The following TRAPPC10 variants were observed in gnomAD, a reference collection of about 807,000 sequenced individuals.
TRAPPC10 encodes TRAPP 130 kDa subunit.
In TRAPPC10, 23 loss-of-function variants were observed where a neutral mutation model predicts 125.5. The ratio of observed to expected loss-of-function variants is 0.18; its 90% CI spans 0.13 to 0.26. The LOEUF is 0.26. Among genes scored for constraint, TRAPPC10 ranks in the 10% least tolerant of loss-of-function variants. TRAPPC10 has a pLI of 1.00. For missense variants in TRAPPC10, 1,123 were observed against 1,308.4 expected (o/e 0.86, Z 2.19); for synonymous variants, 509 against 518.0 (o/e 0.98, Z 0.24).
chr21:44,061,492 C>T (rs1370671009), intron 6 of TRAPPC10, among the ~76,000 whole-genome samples: 1 of 151,434 alleles, frequency 6.6e-6, no homozygotes, highest in Non-Finnish European at 1.5e-5. Context: ...TGGTCTCGAT[C>T]TCTTAACCTC....
intron 3 of TRAPPC10, among the ~76,000 whole-genome samples, chr21:44,045,976 G>C (rs1293291297): frequency 6.6e-6 from 1 of 151,184 alleles, no homozygotes; most frequent in Admixed American, 6.6e-5. Flanking sequence ...TTTTTGTGGG[G>C]GTGGATATGA....
At position 44,087,023 on chromosome 21, in the gene TRAPPC10, G is replaced by A. The variant is rs1253192470; in HGVS notation, c.2539+63G>A. ...ACCTTGCCCTGCACTGTGTGGGTGT[G>A]AGGGTGAGCCTGGCCTTGCTGCCAT... is the stretch of plus-strand genomic sequence containing the variant. On this transcript the variant is annotated intron_variant, in intron 16 of 22. Coordinates refer to ENST00000291574, the MANE Select transcript of TRAPPC10 (RefSeq NM_003274.5). The surrounding 1 kb of genome is among the most constrained non-coding windows in gnomAD (Gnocchi z 4.6). 20 of 1,575,532 alleles carry A rather than the reference G, an allele frequency of 1.3e-5. No individual in the cohort carries two copies. Among genetic ancestry groups the A allele is most frequent in the Admixed American group, 1.0e-4 (6 of 57,944 alleles).
chr21:44,059,267 A>G lies in TRAPPC10; in HGVS notation c.790+53A>G. The G allele has an allele frequency of 7.4e-7, 1 of 1,354,372 alleles. No homozygotes were observed. Among genetic ancestry groups the G allele is most frequent in the Admixed American group, 2.2e-5 (1 of 46,186 alleles). The allele number at this position is 1,354,372 out of a possible 1,614,324, so 83.9% of individuals were successfully genotyped here. A position where few individuals can be genotyped will look rare whatever the true frequency, so the allele number is the denominator to read the frequency against. On this transcript the variant is annotated intron_variant, in intron 6 of 22. Transcript: ENST00000291574. This position sits in a 1 kb window ranked among gnomAD's most constrained non-coding sequence, Gnocchi z 4.4. ...GCTTTTCTTAGTGTGGCTTTCTCCA[A>G]CTTCAGATAGGCTTGAAGCAGCCAT...
At chr21:44,030,169 C>T (rs1201597169) in intron 1 of TRAPPC10, among the ~76,000 whole-genome samples, 3 of 152,154 alleles carry the variant, frequency 2.0e-5, no homozygotes, top group African/African-American at 4.8e-5. Context: ...TCCACTTTTA[C>T]TCTGTACGGA....
chr21:44,086,936 G>A lies in TRAPPC10; in HGVS notation c.2515G>A (p.Ala839Thr). ...MLILCQAESR[A>T]VVYSNTREQS... ...CATCCTGTGCCAGGCGGAGAGCAGG[G>A]CTGTGGTCTACTCCAACACGAGAGG... The change falls in exon 16 of 23, where the codon GCT (alanine) becomes ACT (threonine). Residue 839 changes from alanine to threonine, a missense_variant. By Grantham distance (58) the Ala-to-Thr change is moderately conservative. Coordinates refer to ENST00000291574, the MANE Select transcript of TRAPPC10 (RefSeq NM_003274.5). 6.2e-7 allele frequency: 1 copy of A among 1,614,202 alleles called. No individual in the cohort carries two copies. Among genetic ancestry groups the A allele is most frequent in the Non-Finnish European group, 8.5e-7 (1 of 1,180,036 alleles).
chr21:44,057,345 G>A (rs1262063979), intron 5 of TRAPPC10, among the ~76,000 whole-genome samples: 1 of 151,752 alleles, frequency 6.6e-6, no homozygotes, highest in Non-Finnish European at 1.5e-5. Flanking sequence ...GTCACCAAGG[G>A]CTGGCGTGCA....
chr21:44,077,174 T>G (rs1173936413), intron 10 of TRAPPC10, among the ~76,000 whole-genome samples: 1 of 152,218 alleles, frequency 6.6e-6, no homozygotes, highest in Non-Finnish European at 1.5e-5. Context: ...TGGATGAGTT[T>G]GTGGGTTTCT....
At chr21:44,036,190 A>G (rs1452230881) in intron 2 of TRAPPC10, among the ~76,000 whole-genome samples, 1 of 152,246 alleles carries the variant, frequency 6.6e-6, no homozygotes, top group Non-Finnish European at 1.5e-5. Flanking sequence ...ACAGAAAATC[A>G]TGCCAGGGAA....
At chr21:44,054,730 C>T (rs1439164009) in intron 4 of TRAPPC10, among the ~76,000 whole-genome samples, 4 of 152,318 alleles carry the variant, frequency 2.6e-5, no homozygotes, top group Middle Eastern at 3.4e-3. Flanking sequence ...AAGCCATGTT[C>T]TAAGCCTTTA....
intron 1 of TRAPPC10, among the ~76,000 whole-genome samples, chr21:44,014,644 G>A (rs2031609165): frequency 6.7e-6 from 1 of 149,412 alleles, no homozygotes; most frequent in Non-Finnish European, 1.5e-5. Flanking sequence ...GGTGAGGCTG[G>A]TCTCGAACTC....
intron 7 of TRAPPC10, among the ~76,000 whole-genome samples, chr21:44,071,729 G>T (rs2036884032): frequency 6.6e-6 from 1 of 152,216 alleles, no homozygotes; most frequent in Admixed American, 6.5e-5. Context: ...ATCTGTGATA[G>T]GAAATACAGG....
At chr21:44,079,103 C>T (rs905823871) in intron 11 of TRAPPC10, among the ~76,000 whole-genome samples, 2 of 152,132 alleles carry the variant, frequency 1.3e-5, no homozygotes, top group African/African-American at 2.4e-5. Flanking sequence ...TAGACTGCTT[C>T]TGTGTTTCTG....
intron 3 of TRAPPC10, among the ~76,000 whole-genome samples, chr21:44,043,209 CT>C (rs34708259): frequency 7.6e-4 from 72 of 94,326 alleles, no homozygotes; most frequent in Middle Eastern, 8.8e-3. Context: ...AATTATTACG[CT>C]TTTTTTTTTT....
At chr21:44,077,946 C>T (rs1239881246) in intron 11 of TRAPPC10, among the ~76,000 whole-genome samples, 162 bp downstream of exon 11, 2 of 151,898 alleles carry the variant, frequency 1.3e-5, no homozygotes, top group African/African-American at 4.8e-5. Context: ...CTTCTGAAAA[C>T]CAGATGGAGA....
intron 17 of TRAPPC10, 116 bp downstream of exon 17, chr21:44,088,044 C>A: frequency 1.1e-6 from 1 of 876,492 alleles, no homozygotes; most frequent in Non-Finnish European, 1.8e-6. Flanking sequence ...ATTCCCGATG[C>A]CCTGGGCATG....
intron 1 of TRAPPC10, among the ~76,000 whole-genome samples, chr21:44,027,673 C>G (rs1163860025): frequency 6.6e-6 from 1 of 152,180 alleles, no homozygotes; most frequent in Non-Finnish European, 1.5e-5. Context: ...GGGGGCATAG[C>G]AGGCGCACGG....
chr21:44,070,740 C>T (rs2036803318), intron 7 of TRAPPC10, among the ~76,000 whole-genome samples: 2 of 152,230 alleles, frequency 1.3e-5, no homozygotes, highest in Non-Finnish European at 2.9e-5. Flanking sequence ...AAGCTGCACT[C>T]TAATGGGTAA....
chr21:44,014,191 G>A (rs1446387134), intron 1 of TRAPPC10, among the ~76,000 whole-genome samples: 1 of 152,170 alleles, frequency 6.6e-6, no homozygotes, highest in African/African-American at 2.4e-5. Flanking sequence ...AAGTTCCTAA[G>A]CTCTATTGGA....
chr21:44,025,821 G>GGTGTGTGTGTGT (rs59898602), intron 1 of TRAPPC10, among the ~76,000 whole-genome samples: 9 of 109,866 alleles, frequency 8.2e-5, no homozygotes, highest in African/African-American at 1.4e-4. Context: ...AGAGGGCAGG[G>GGTGTGTGTGTGT]GTGTGTGTGT....
Sources: allele counts gnomAD v4.1 joint callset (sites outside exome capture counted in the v4.1 genomes callset), GRCh38; gene constraint gnomAD v4.1.1; non-coding constraint Gnocchi (gnomAD v3.1); transcripts MANE v1.5; gene names NCBI Gene and HGNC (gene_info 2026-07-23, HGNC 2026-07-21).